ENOX1: variants seen among roughly 807,000 people sequenced by gnomAD.
The protein encoded by ENOX1 is ecto-NOX disulfide-thiol exchanger 1.
A neutral mutation model predicts 82.5 loss-of-function variants in ENOX1; 42 were observed. The observed-to-expected ratio is 0.51, with a 90% confidence interval of 0.40 to 0.66. ENOX1 has a LOEUF of 0.66. Ranked by LOEUF, ENOX1 falls within the 30% of genes least tolerant of loss-of-function variation. The pLI is 0.00. For missense variants in ENOX1, 608 were observed against 811.6 expected (o/e 0.75, Z 3.05); for synonymous variants, 271 against 282.2 (o/e 0.96, Z 0.40).
intron 6 of ENOX1, among the ~76,000 whole-genome samples, chr13:43,360,997 G>A (rs574601575): frequency 4.6e-5 from 7 of 152,108 alleles, no homozygotes; most frequent in African/African-American, 1.7e-4. Context: ...TGTGTTCTCC[G>A]GCAAACACTA....
chr13:43,774,466 G>A (rs1005478906), intron 1 of ENOX1, among the ~76,000 whole-genome samples: 2 of 148,208 alleles, frequency 1.3e-5, no homozygotes, highest in Non-Finnish European at 3.0e-5. Flanking sequence ...GTGATTATAG[G>A]TGTGCACGTG....
chr13:43,338,483 TTC>T (rs1821794303), intron 9 of ENOX1, among the ~76,000 whole-genome samples: 4 of 152,090 alleles, frequency 2.6e-5, no homozygotes, highest in African/African-American at 9.7e-5. Context: ...GAATTTTTTT[TTC>T]TCTTTCTTCT....
intron 12 of ENOX1, among the ~76,000 whole-genome samples, chr13:43,291,033 A>G (rs930794389): frequency 2.6e-5 from 4 of 152,336 alleles, no homozygotes; most frequent in African/African-American, 9.6e-5. Context: ...TCTCAAAAAA[A>G]TAAAAATAAA....
intron 6 of ENOX1, among the ~76,000 whole-genome samples, chr13:43,360,284 T>G (rs746359721): frequency 2.6e-5 from 4 of 152,232 alleles, no homozygotes; most frequent in Non-Finnish European, 4.4e-5. Flanking sequence ...GCTATATGCT[T>G]GTCCATGAAC....
At chr13:43,718,676 C>CAAAAAAAAAAAAAAAAAA (rs61671392) in intron 1 of ENOX1, among the ~76,000 whole-genome samples, 4 of 55,592 alleles carry the variant, frequency 7.2e-5, no homozygotes, top group Admixed American at 2.5e-4. Context: ...GACTCCGTCT[C>CAAAAAAAAAAAAAAAAAA]AAAAAAAAAA....
chr13:43,255,141 C>T (rs2043672595), intron 14 of ENOX1, among the ~76,000 whole-genome samples: 1 of 152,122 alleles, frequency 6.6e-6, no homozygotes, highest in Non-Finnish European at 1.5e-5. Context: ...GATGGTTTAA[C>T]ATATGCAAAT....
At chr13:43,229,230 T>TA (rs533444955) in intron 15 of ENOX1, among the ~76,000 whole-genome samples, 1 of 152,230 alleles carries the variant, frequency 6.6e-6, no homozygotes, top group Non-Finnish European at 1.5e-5. Flanking sequence ...GTAAGTCCAT[T>TA]AAACCTCTTT....
intron 1 of ENOX1, among the ~76,000 whole-genome samples, chr13:43,715,577 C>G (rs1408462353): frequency 6.6e-6 from 1 of 152,152 alleles, no homozygotes; most frequent in African/African-American, 2.4e-5. Context: ...AACTTGGTTC[C>G]ATTCTCCCCG....
At chr13:43,226,470 T>C (rs2042028394) in intron 15 of ENOX1, among the ~76,000 whole-genome samples, 1 of 152,258 alleles carries the variant, frequency 6.6e-6, no homozygotes. Context: ...AAGTATACAG[T>C]AAATTACTGT....
intron 2 of ENOX1, among the ~76,000 whole-genome samples, chr13:43,531,855 A>G (rs1413084829): frequency 6.7e-6 from 1 of 149,738 alleles, no homozygotes; most frequent in African/African-American, 2.5e-5. Context: ...GTTCTCACTC[A>G]TAGGTGGGAA....
intron 3 of ENOX1, among the ~76,000 whole-genome samples, chr13:43,463,739 T>C (rs555178887): frequency 9.8e-5 from 15 of 152,328 alleles, no homozygotes; most frequent in African/African-American, 3.4e-4. Flanking sequence ...AAAAAGCCAA[T>C]GCTTTTCTTT....
intron 2 of ENOX1, among the ~76,000 whole-genome samples, chr13:43,621,071 G>A (rs369615193): frequency 1.2e-4 from 18 of 152,086 alleles, no homozygotes; most frequent in Admixed American, 2.6e-4. Context: ...ACCCCAGCTC[G>A]TTTTTGGTGT....
chr13:43,581,915 A>G (rs1425001722), intron 2 of ENOX1, among the ~76,000 whole-genome samples: 1 of 152,244 alleles, frequency 6.6e-6, no homozygotes, highest in Admixed American at 6.5e-5. Flanking sequence ...GAGTATCCAA[A>G]TAACCTAACT....
chr13:43,364,080 A>G (rs1566609653), intron 5 of ENOX1, among the ~76,000 whole-genome samples: 1 of 151,736 alleles, frequency 6.6e-6, no homozygotes, highest in Non-Finnish European at 1.5e-5. Context: ...CTTTAAGAAA[A>G]AAAAAGAACC....
At chr13:43,291,969 C>T (rs1247312826) in intron 12 of ENOX1, among the ~76,000 whole-genome samples, 1 of 152,154 alleles carries the variant, frequency 6.6e-6, no homozygotes, top group Non-Finnish European at 1.5e-5. Flanking sequence ...GGCCACGCAG[C>T]AGATCCAGAC....
At chr13:43,594,197 T>C (rs949469217) in intron 2 of ENOX1, among the ~76,000 whole-genome samples, 1 of 152,160 alleles carries the variant, frequency 6.6e-6, no homozygotes, top group Admixed American at 6.5e-5. Context: ...ATTCTTTGAT[T>C]TGGGTGATAG....
At chr13:43,383,604 A>G (rs2052215311) in intron 5 of ENOX1, among the ~76,000 whole-genome samples, 1 of 152,090 alleles carries the variant, frequency 6.6e-6, no homozygotes, top group Admixed American at 6.6e-5. Flanking sequence ...AATAGGGTCT[A>G]TTTACTCAAA....
intron 9 of ENOX1, among the ~76,000 whole-genome samples, chr13:43,326,994 T>C (rs141094602): frequency 3.3e-5 from 5 of 152,330 alleles, no homozygotes; most frequent in Non-Finnish European, 7.3e-5. Context: ...TCAATCACAG[T>C]CCTCTCAAGA....
intron 16 of ENOX1, among the ~76,000 whole-genome samples, chr13:43,220,491 C>T (rs905574134): frequency 6.6e-6 from 1 of 152,198 alleles, no homozygotes; most frequent in African/African-American, 2.4e-5. Context: ...AACTAGGCTA[C>T]AAGCTTGTTG....
Sources: allele counts gnomAD v4.1 joint callset (sites outside exome capture counted in the v4.1 genomes callset), GRCh38; gene constraint gnomAD v4.1.1; transcripts MANE v1.5; gene names NCBI Gene and HGNC (gene_info 2026-07-23, HGNC 2026-07-21).